Variants in ZNF475 observed in about 807,000 individuals in gnomAD.
ZNF475 encodes the protein zinc finger protein 475.
At chr5:122,160,749 C>T in the ZNF475 span, among the ~76,000 whole-genome samples, 3 of 152,152 alleles carry the variant, frequency 2.0e-5, no homozygotes, top group Non-Finnish European at 2.9e-5. Context: ...GTTATACTCT[C>T]GAAAAGTTAA....
chr5:122,165,789 T>A, the ZNF475 span, among the ~76,000 whole-genome samples: 1 of 152,114 alleles, frequency 6.6e-6, no homozygotes, highest in Non-Finnish European at 1.5e-5. Flanking sequence ...CATTAAACTT[T>A]CTGCATTTAA....
the ZNF475 span, among the ~76,000 whole-genome samples, chr5:122,172,877 C>T: frequency 6.6e-6 from 1 of 152,074 alleles, no homozygotes; most frequent in African/African-American, 2.4e-5. Flanking sequence ...ACTAAAAATA[C>T]AAAAAATTAG....
the ZNF475 span, among the ~76,000 whole-genome samples, chr5:122,167,718 A>G: frequency 2.0e-5 from 3 of 152,254 alleles, no homozygotes; most frequent in Non-Finnish European, 4.4e-5. Context: ...ATGAATTTTG[A>G]TGGTTTTAGA....
At chr5:122,163,097 A>T in the ZNF475 span, 1 of 152,374 alleles carries the variant, frequency 6.6e-6, no homozygotes, top group East Asian at 1.9e-4. Flanking sequence ...TTGGAATGAG[A>T]GGATGACTGC....
the ZNF475 span, chr5:122,163,120 A>T: frequency 6.6e-6 from 1 of 151,878 alleles, no homozygotes; most frequent in African/African-American, 2.4e-5. Context: ...AGGACCTGGG[A>T]TGGTGCCTAA....
chr5:122,175,005 G>T, the ZNF475 span, among the ~76,000 whole-genome samples: 49 of 152,006 alleles, frequency 3.2e-4, no homozygotes, highest in African/African-American at 1.1e-3. Flanking sequence ...TGAATTGTTA[G>T]AACCTACCAT....
chr5:122,169,664 T>C, the ZNF475 span, among the ~76,000 whole-genome samples: 92 of 152,010 alleles, frequency 6.1e-4, no homozygotes, highest in African/African-American at 2.0e-3. Context: ...CACAAAACAG[T>C]CAAGAGGCGG....
At chr5:122,176,490 CA>C in the ZNF475 span, among the ~76,000 whole-genome samples, 2 of 152,106 alleles carry the variant, frequency 1.3e-5, no homozygotes, top group Non-Finnish European at 2.9e-5. Flanking sequence ...GTACTCTGTG[CA>C]AGTCTTTTGT....
At chr5:122,181,470 C>T in the ZNF475 span, among the ~76,000 whole-genome samples, 1 of 152,124 alleles carries the variant, frequency 6.6e-6, no homozygotes, top group African/African-American at 2.4e-5. Flanking sequence ...GTGACATTTG[C>T]TTTATCCAAA....
the ZNF475 span, among the ~76,000 whole-genome samples, chr5:122,174,450 C>A: frequency 2.0e-5 from 3 of 152,232 alleles, no homozygotes; most frequent in South Asian, 6.2e-4. Flanking sequence ...GGGTTGTTTG[C>A]GCTTCACTAG....
chr5:122,165,863 G>C, the ZNF475 span, among the ~76,000 whole-genome samples: 2 of 152,036 alleles, frequency 1.3e-5, no homozygotes, highest in African/African-American at 2.4e-5. Context: ...CGTTTCATTT[G>C]CATACATATT....
At chr5:122,163,672 C>A in the ZNF475 span, among the ~76,000 whole-genome samples, 1 of 152,358 alleles carries the variant, frequency 6.6e-6, no homozygotes, top group African/African-American at 2.4e-5. Flanking sequence ...TACACAATCA[C>A]ATAATTCCCT....
At chr5:122,179,601 G>C in the ZNF475 span, 1 of 1,529,728 alleles carries the variant, frequency 6.5e-7, no homozygotes, top group Non-Finnish European at 8.7e-7. Flanking sequence ...TTGTGGTCGT[G>C]AATATGGAAC....
chr5:122,160,250 C>T, the ZNF475 span: 2 of 1,289,808 alleles, frequency 1.6e-6, no homozygotes, highest in East Asian at 5.6e-5. Flanking sequence ...CATCGACAGA[C>T]CACAACACTA....
chr5:122,179,768 A>G, the ZNF475 span: 1 of 1,381,356 alleles, frequency 7.2e-7, no homozygotes, highest in South Asian at 1.6e-5. Flanking sequence ...GCATAAGGGG[A>G]GACTTTTCTC....
chr5:122,176,059 C>T, the ZNF475 span, among the ~76,000 whole-genome samples: 20 of 152,174 alleles, frequency 1.3e-4, no homozygotes, highest in Non-Finnish European at 1.0e-4. Context: ...TACTCAGCCC[C>T]TCATCACTCT....
the ZNF475 span, among the ~76,000 whole-genome samples, chr5:122,165,418 G>T: frequency 6.6e-6 from 1 of 152,198 alleles, no homozygotes; most frequent in Non-Finnish European, 1.5e-5. Context: ...TCTAGGCCCA[G>T]TTGTGAGACA....
At chr5:122,177,147 T>C in the ZNF475 span, among the ~76,000 whole-genome samples, 1 of 152,176 alleles carries the variant, frequency 6.6e-6, no homozygotes, top group Non-Finnish European at 1.5e-5. Context: ...TGGAAGACTA[T>C]ATGGAATCAA....
the ZNF475 span, among the ~76,000 whole-genome samples, chr5:122,165,951 C>T: frequency 1.3e-5 from 2 of 152,168 alleles, no homozygotes; most frequent in Non-Finnish European, 2.9e-5. Flanking sequence ...AAAGAACAGG[C>T]TTACTGCTTT....
Sources: gnomAD v4.1 joint callset for allele counts (sites outside exome capture counted in the v4.1 genomes callset) on GRCh38, gnomAD v4.1.1 for gene constraint, MANE v1.5 for transcripts, NCBI Gene and HGNC (gene_info 2026-07-23, HGNC 2026-07-21) for gene names.